The following LOXHD1 variants were observed in gnomAD, a reference collection of about 807,000 sequenced individuals.
The protein encoded by LOXHD1 is lipoxygenase homology PLAT domains 1, also known as lipoxygenase homology domain-containing protein 1.
LOXHD1 carries 205 observed loss-of-function variants against 248.2 expected under a neutral mutation model. That is an observed-to-expected ratio of 0.83 (90% CI 0.74 to 0.93). The LOEUF (loss-of-function observed/expected upper bound fraction) is 0.93. LOXHD1 is among the 40% of genes least tolerant of loss of function. The probability of loss-of-function intolerance (pLI) is 0.00; values close to 1 mark genes in which losing one functional copy is unlikely to be tolerated. For synonymous variants in LOXHD1, 1,113 were observed against 1,162.8 expected, an observed-to-expected ratio of 0.96 and a Z score of 0.87; for missense variants, 2,930 against 2,971.6, an observed-to-expected ratio of 0.99 and a Z score of 0.33.
At chr18:46,601,494 G>T in intron 7 of LOXHD1, 27 bp from the exon 8 acceptor site, 1 of 1,551,704 alleles carries the variant, frequency 6.4e-7, no homozygotes, top group South Asian at 1.2e-5. Flanking sequence ...AGGAAAGAGA[G>T]TGTTCAATGT....
Position 46,604,929 on chromosome 18 carries a change from G to T in LOXHD1, c.760-700C>A, listed in dbSNP as rs143133415. Among the ~76,000 whole-genome samples the T allele has an allele frequency of 9.7e-3, 1,476 of 152,202 alleles. 13 individuals carry two copies. Among genetic ancestry groups the T allele is most frequent in the Non-Finnish European group, 0.015 (991 of 68,012 alleles). ...GTGTCCTCCAGTCATAATACAATATGGGCAGAGGATAACCTTTTTACTGTC... is the reference window on the plus strand; with the variant it reads ...GTGTCCTCCAGTCATAATACAATATTGGCAGAGGATAACCTTTTTACTGTC... On this transcript the variant is annotated intron_variant, in intron 6 of 40. Transcript: ENST00000642948.
intron 16 of LOXHD1, 106 bp downstream of exon 16, chr18:46,569,336 G>A: frequency 1.1e-6 from 1 of 944,068 alleles, no homozygotes; most frequent in South Asian, 1.6e-5. Flanking sequence ...GTACATGAGT[G>A]TGTGCGTGTG....
intron 29 of LOXHD1, 68 bp from the exon 30 acceptor site, chr18:46,524,985 C>A: frequency 6.7e-7 from 1 of 1,502,028 alleles, no homozygotes; most frequent in Middle Eastern, 1.9e-4. Context: ...CAGCCCCACC[C>A]TTCTGGGACC....
chr18:46,504,454 A>C (rs1015639451), intron 37 of LOXHD1, among the ~76,000 whole-genome samples: 4 of 152,206 alleles, frequency 2.6e-5, no homozygotes, highest in Admixed American at 6.6e-5. Flanking sequence ...AATACCTAAC[A>C]GAGTCCCAGG....
chr18:46,490,456 T>C (rs1436725878), intron 37 of LOXHD1, among the ~76,000 whole-genome samples: 2 of 152,216 alleles, frequency 1.3e-5, no homozygotes, highest in African/African-American at 4.8e-5. Context: ...ACACTTCTGT[T>C]GAGTTAAACA....
intron 33 of LOXHD1, chr18:46,520,410 A>G: frequency 2.4e-6 from 1 of 416,492 alleles, no homozygotes; most frequent in South Asian, 1.9e-5. Flanking sequence ...AAAAAGAGAA[A>G]CCCACAGGGT....
At position 46,566,335 on chromosome 18, in the gene LOXHD1, G is replaced by A. The variant is rs564297037; in HGVS notation, c.2359C>T (p.Arg787Cys). ...QGKQYTFPANRWLDKNQADGR... is the reference protein window; with the variant it reads ...QGKQYTFPANCWLDKNQADGR... The stretch of plus-strand genomic sequence containing the variant: ...TCAGCCTGGTTCTTGTCCAGCCAGC[G>A]GTTGGCGGGAAAGGTGTACTGCTTG... Residue 787 changes from arginine (R) to cysteine (C), a missense_variant, in exon 17 of 41, where the codon CGC (arginine) becomes TGC (cysteine). Arg to Cys is a radical substitution (Grantham distance 180, BLOSUM62 -3). Coordinates refer to ENST00000642948, the MANE Select transcript of LOXHD1 (RefSeq NM_001384474.1). 5.2e-5 allele frequency: 81 copies of A among 1,551,868 alleles called. No individual in the cohort carries two copies. The highest frequency in any genetic ancestry group is 2.5e-4 in the African/African-American group (18 of 73,178).
At chr18:46,491,800 A>G (rs978858508) in intron 37 of LOXHD1, among the ~76,000 whole-genome samples, 7 of 152,226 alleles carry the variant, frequency 4.6e-5, no homozygotes, top group Non-Finnish European at 1.0e-4. Flanking sequence ...CTTTATCCAC[A>G]TATAATTCAT....
At chr18:46,601,645 T>C (rs931774575) in intron 7 of LOXHD1, 178 bp from the exon 8 acceptor site, 6 of 785,114 alleles carry the variant, frequency 7.6e-6, no homozygotes, top group Admixed American at 6.8e-5. Context: ...CCTCATTTCA[T>C]CTTTTCCAGA....
intron 36 of LOXHD1, 126 bp downstream of exon 36, chr18:46,507,412 C>G (rs1219494830): frequency 7.7e-6 from 8 of 1,041,254 alleles, no homozygotes; most frequent in Non-Finnish European, 1.1e-5. Flanking sequence ...GTGGAGAAAA[C>G]TTGGATTGAC....
chr18:46,519,872 A>G (rs2144107889), intron 33 of LOXHD1, among the ~76,000 whole-genome samples: 1 of 152,338 alleles, frequency 6.6e-6, no homozygotes, highest in East Asian at 1.9e-4. Context: ...TGGCCAGCCC[A>G]AAGAACCCTG....
At chr18:46,635,075 G>A (rs1277287153) in intron 4 of LOXHD1, among the ~76,000 whole-genome samples, 3 of 152,002 alleles carry the variant, frequency 2.0e-5, no homozygotes, top group Non-Finnish European at 4.4e-5. Flanking sequence ...TACCTTCTTG[G>A]GAAGGGACCA....
Position 46,566,549 on chromosome 18 carries a change from G to C in LOXHD1, c.2245-100C>G. The C allele has an allele frequency of 3.9e-6, 4 of 1,021,536 alleles. No homozygotes were observed. The Admixed American group carries it at 8.1e-5, about 21-fold the overall frequency. 63.3% of individuals were successfully genotyped at this position (1,021,536 alleles called of 1,614,324 possible). On this transcript the variant is annotated intron_variant, in intron 16 of 40. Transcript: ENST00000642948. ...AAACACCAGCACAAAACACAACCCA[G>C]GTCTCCAGTCCCCAGGAGAGGGAAG...
At chr18:46,564,943 G>C (rs2037607651) in intron 17 of LOXHD1, among the ~76,000 whole-genome samples, 1 of 152,180 alleles carries the variant, frequency 6.6e-6, no homozygotes, top group Non-Finnish European at 1.5e-5. Flanking sequence ...TGAGCCTTGG[G>C]CAGTTGCTTT....
intron 17 of LOXHD1, among the ~76,000 whole-genome samples, chr18:46,563,830 G>A (rs1265804730): frequency 1.3e-5 from 2 of 152,076 alleles, no homozygotes; most frequent in African/African-American, 4.8e-5. Flanking sequence ...CACCAGGGAT[G>A]TGGAGAGACA....
Position 46,572,196 on chromosome 18 carries a change from G to A in LOXHD1, c.1971-34C>T, listed in dbSNP as rs778062685. 5.2e-5 allele frequency: 80 copies of A among 1,530,818 alleles called. No homozygotes were observed. In the South Asian group the frequency reaches 9.4e-4, roughly 18 times the overall value. 94.8% of individuals were successfully genotyped at this position (1,530,818 alleles called of 1,614,324 possible). A position where few individuals can be genotyped will look rare whatever the true frequency, so the allele number is the denominator to read the frequency against. On this transcript the variant is annotated intron_variant, in intron 14 of 40. Transcript: ENST00000642948. ...CAAATGGGGGAATGTTAGCTCTTTG[G>A]GTGGAGCAGGCAGACAATCAAAGCT...
At chr18:46,640,672 G>T (rs1215668854) in intron 3 of LOXHD1, among the ~76,000 whole-genome samples, 1 of 152,116 alleles carries the variant, frequency 6.6e-6, no homozygotes, top group Non-Finnish European at 1.5e-5. Flanking sequence ...AATCTGCAGT[G>T]TATTTTATAT....
chr18:46,568,950 C>G (rs2037696497), intron 16 of LOXHD1, among the ~76,000 whole-genome samples: 1 of 152,148 alleles, frequency 6.6e-6, no homozygotes, highest in African/African-American at 2.4e-5. Flanking sequence ...TTCCATCTCC[C>G]AAGACAGAAT....
intron 4 of LOXHD1, 115 bp downstream of exon 4, chr18:46,639,501 G>T: frequency 7.9e-7 from 1 of 1,265,750 alleles, no homozygotes; most frequent in African/African-American, 1.5e-5. Flanking sequence ...AGGCCCTGGA[G>T]GCATGCCAAG....
Sources: gnomAD v4.1 joint callset for allele counts (sites outside exome capture counted in the v4.1 genomes callset) on GRCh38, gnomAD v4.1.1 for gene constraint, MANE v1.5 for transcripts, NCBI Gene and HGNC (gene_info 2026-07-23, HGNC 2026-07-21) for gene names.